The following TOR1AIP1 variants were observed in gnomAD, a reference collection of about 807,000 sequenced individuals.
TOR1AIP1 encodes the protein torsin 1A interacting protein 1.
TOR1AIP1 carries 54 observed loss-of-function variants against 63.3 expected under a neutral mutation model. That is an observed-to-expected ratio of 0.85 (90% confidence interval 0.69 to 1.07). The LOEUF is 1.07. Among genes scored for constraint, TOR1AIP1 ranks in the 50% least tolerant of loss-of-function variants. The pLI is 0.00. For synonymous variants in TOR1AIP1, 294 were observed against 273.5 expected, an observed-to-expected ratio of 1.07 and a Z score of -0.74; for missense variants, 736 against 715.0, an observed-to-expected ratio of 1.03 and a Z score of -0.33.
rs775587306 is a variant in TOR1AIP1, at chr1:179,903,005, C to CA, written c.740-947dup. On this transcript the variant is annotated intron_variant, in intron 5 of 9. Coordinates refer to ENST00000606911, the MANE Select transcript of TOR1AIP1 (RefSeq NM_015602.4). Reference sequence around the variant, plus strand: ...TGGGCAACAGAGCGAGACTCCATCTCAAAAAAAAAAAAAATATGGGCACTT... The same window carrying CA: ...TGGGCAACAGAGCGAGACTCCATCTCAAAAAAAAAAAAAAATATGGGCACTT... Among the ~76,000 whole-genome samples, 1,118 of 135,814 alleles carry CA rather than the reference C, an allele frequency of 8.2e-3. 12 individuals carry two copies. Among genetic ancestry groups the CA allele is most frequent in the African/African-American group, 0.026 (952 of 37,066 alleles). The allele number at this position is 135,814 out of a possible 152,430, so 89.1% of individuals were successfully genotyped here. A position where few individuals can be genotyped will look rare whatever the true frequency, so the allele number is the denominator to read the frequency against.
intron 1 of TOR1AIP1, 165 bp downstream of exon 1, chr1:179,883,142 T>C (rs944803315): frequency 7.4e-6 from 5 of 675,920 alleles, no homozygotes; most frequent in Non-Finnish European, 1.2e-5. Flanking sequence ...AGGGCCACCC[T>C]GACCCGCAGC....
Position 179,918,745 on chromosome 1 carries a change from T to G in TOR1AIP1, c.*506T>G, listed in dbSNP as rs1268212352. 6.6e-6 allele frequency: 1 copy of G among 152,542 alleles called. No individual in the cohort carries two copies. The highest frequency in any genetic ancestry group is 1.5e-5 in the Non-Finnish European group (1 of 68,270). 9.4% of individuals were successfully genotyped at this position (152,542 alleles called of 1,614,324 possible). A position where few individuals can be genotyped will look rare whatever the true frequency, so the allele number is the denominator to read the frequency against. On this transcript the variant is annotated 3_prime_UTR_variant, in exon 10 of 10. Coordinates refer to ENST00000606911, the MANE Select transcript of TOR1AIP1 (RefSeq NM_015602.4). ...AATGAAAGGTCATCTAGGTGTGTGTTTGGAATTTTTTTCTTTTGTTTTTTG... is the reference window on the plus strand; with the variant it reads ...AATGAAAGGTCATCTAGGTGTGTGTGTGGAATTTTTTTCTTTTGTTTTTTG...
intron 1 of TOR1AIP1, among the ~76,000 whole-genome samples, chr1:179,884,482 T>C (rs2148469829): frequency 6.6e-6 from 1 of 151,318 alleles, no homozygotes; most frequent in Middle Eastern, 3.4e-3. Context: ...TGGCAAATAT[T>C]ATTATATTCT....
rs183002733 is a variant in TOR1AIP1 at position 179,916,639 on chromosome 1, T to A, written c.965-813T>A. 1.3e-4 allele frequency among the ~76,000 whole-genome samples: 20 copies of A among 151,706 alleles called. No homozygotes were observed. The South Asian group carries it at 2.7e-3, about 21-fold the overall frequency. On this transcript the variant is annotated intron_variant, in intron 9 of 9. Transcript: ENST00000606911. ...CCACAAAAGGCATCAGTGAAATTAA[T>A]CTAAAGGGACAGCTAGCTATTATAA...
chr1:179,882,636 A>G lies in TOR1AIP1; in HGVS notation c.134A>G (p.Tyr45Cys). The G allele has an allele frequency of 1.3e-6, 2 of 1,563,756 alleles. No individual in the cohort carries two copies. Among genetic ancestry groups the G allele is most frequent in the Non-Finnish European group, 1.7e-6 (2 of 1,156,488 alleles). The change falls in exon 1 of 10, where the codon TAC becomes TGC. Residue 45 changes from tyrosine to cysteine, a missense_variant. This residue lies in a region of TOR1AIP1 where 464 missense variants were observed against 371.0 expected (regional missense o/e 1.25). Coordinates refer to ENST00000606911, the MANE Select transcript of TOR1AIP1 (RefSeq NM_015602.4). ...GGCGGCAGCAGCGATGCGCCTGCGTACAGAACTCCTCCGTCGCGCCAGGGC... is the reference window on the plus strand; with the variant it reads ...GGCGGCAGCAGCGATGCGCCTGCGTGCAGAACTCCTCCGTCGCGCCAGGGC... ...QNGGSSDAPA[Y>C]RTPPSRQGRR...
At chr1:179,886,032 C>G (rs754582376) in intron 2 of TOR1AIP1, among the ~76,000 whole-genome samples, 2 of 152,176 alleles carry the variant, frequency 1.3e-5, no homozygotes, top group Non-Finnish European at 2.9e-5. Flanking sequence ...TCAGCCACCA[C>G]GCCTGGCCTG....
At chr1:179,906,891 C>G (rs1480677847) in intron 6 of TOR1AIP1, among the ~76,000 whole-genome samples, 1 of 151,624 alleles carries the variant, frequency 6.6e-6, no homozygotes, top group African/African-American at 2.4e-5. Flanking sequence ...GCGCCCACCA[C>G]CACGCCTGGC....
In TOR1AIP1 at chr1:179,919,490, T is replaced by G. The variant is rs1649127526; in HGVS notation, c.*1251T>G. ...AAGATTTACTATGCACGTGATACAT[T>G]TTATGGAGTGCCTCAAGCCAAGATA... On this transcript the variant is annotated 3_prime_UTR_variant, in exon 10 of 10. Coordinates refer to ENST00000606911, the MANE Select transcript of TOR1AIP1 (RefSeq NM_015602.4). 3 of 152,194 alleles carry G rather than the reference T, an allele frequency of 2.0e-5. No homozygotes were observed. The South Asian group carries it at 6.2e-4, about 32-fold the overall frequency. The allele number at this position is 152,194 out of a possible 1,614,324, so 9.4% of individuals were successfully genotyped here.
intron 8 of TOR1AIP1, among the ~76,000 whole-genome samples, chr1:179,912,735 G>T (rs1245670958): frequency 1.3e-5 from 2 of 152,140 alleles, no homozygotes; most frequent in Non-Finnish European, 2.9e-5. Context: ...TTGAAAAACA[G>T]TATTCCTCTT....
chr1:179,918,244 T>C lies in TOR1AIP1; in HGVS notation c.*5T>C, dbSNP rs374784135. Reference sequence around the variant, plus strand: ...AAAAGGGGCATCTGCTTATAAGAAGTGAGAGAGAAGAAAAATCATGTCCCA... The same window carrying C: ...AAAAGGGGCATCTGCTTATAAGAAGCGAGAGAGAAGAAAAATCATGTCCCA... On this transcript the variant is annotated 3_prime_UTR_variant, in exon 10 of 10. Transcript: ENST00000606911. The C allele has an allele frequency of 2.9e-5, 45 of 1,567,904 alleles. No individual in the cohort carries two copies. The highest frequency in any genetic ancestry group is 3.5e-5 in the Non-Finnish European group (41 of 1,167,088).
chr1:179,889,652 CTTTT>C lies in TOR1AIP1; in HGVS notation c.610+295_610+298del, dbSNP rs10711211. 6.2e-3 allele frequency among the ~76,000 whole-genome samples: 898 copies of C among 144,918 alleles called. 10 individuals carry two copies. The highest frequency in any genetic ancestry group is 0.022 in the African/African-American group (863 of 39,324). ...TGGCTTTATAAACTCTCATTTCTGT[CTTTT>C]TTTTTTTTTTTAATTTGAGACAAGA... is the stretch of plus-strand genomic sequence containing the variant. On this transcript the variant is annotated intron_variant, in intron 3 of 9. Transcript: ENST00000606911.
intron 1 of TOR1AIP1, 190 bp downstream of exon 1, chr1:179,883,167 C>T: frequency 3.2e-6 from 2 of 623,948 alleles, no homozygotes; most frequent in Non-Finnish European, 5.5e-6. Flanking sequence ...AAGGAAGCGC[C>T]GACCGGAGGA....
At chr1:179,894,444 T>C (rs1648202497) in intron 3 of TOR1AIP1, among the ~76,000 whole-genome samples, 1 of 152,078 alleles carries the variant, frequency 6.6e-6, no homozygotes, top group Admixed American at 6.6e-5. Flanking sequence ...CCCAGCACTT[T>C]GGGAGGCTGA....
In TOR1AIP1 at chr1:179,919,924, TG is replaced by T. The variant is rs1297574529; in HGVS notation, c.*1686del. ...CATACGTATTATATAGAGAAACAAA[TG>T]TTTTTATTAAATGTTTCATTGACCC... On this transcript the variant is annotated 3_prime_UTR_variant, in exon 10 of 10. Coordinates refer to ENST00000606911, the MANE Select transcript of TOR1AIP1 (RefSeq NM_015602.4). The T allele has an allele frequency of 1.3e-5, 2 of 152,212 alleles. No individual in the cohort carries two copies. 9.4% of individuals were successfully genotyped at this position (152,212 alleles called of 1,614,324 possible).
chr1:179,902,318 G>A (rs183030367), intron 5 of TOR1AIP1, among the ~76,000 whole-genome samples: 6 of 151,986 alleles, frequency 3.9e-5, no homozygotes, highest in Admixed American at 2.0e-4. Context: ...GAGCCACGAC[G>A]CCTGACCTGT....
chr1:179,894,045 C>T (rs1558040881), intron 3 of TOR1AIP1, among the ~76,000 whole-genome samples: 3 of 150,772 alleles, frequency 2.0e-5, no homozygotes, highest in Admixed American at 6.6e-5. Flanking sequence ...GGGCGGATCA[C>T]GAGGTCAGGA....
At chr1:179,894,462 G>A (rs1648202987) in intron 3 of TOR1AIP1, among the ~76,000 whole-genome samples, 3 of 152,012 alleles carry the variant, frequency 2.0e-5, no homozygotes, top group South Asian at 2.1e-4. Context: ...TGAGGTGGAC[G>A]GATCACCTGA....
rs148396541 is a variant in TOR1AIP1, at chr1:179,914,668, C to A, written c.964+614C>A. Among the ~76,000 whole-genome samples, 679 of 152,262 alleles carry A rather than the reference C, an allele frequency of 4.5e-3. 9 individuals are homozygous for A. The highest frequency in any genetic ancestry group is 0.016 in the African/African-American group (655 of 41,542). On this transcript the variant is annotated intron_variant, in intron 9 of 9. Transcript: ENST00000606911. ...AATTAGCTGGGCGTGGTGGCACACG[C>A]CTGTTGTCCCACCTACTCAGGAGGC...
intron 8 of TOR1AIP1, among the ~76,000 whole-genome samples, chr1:179,909,219 A>G (rs186936763): frequency 6.6e-6 from 1 of 152,316 alleles, no homozygotes; most frequent in African/African-American, 2.4e-5. Flanking sequence ...GCTGTCAGTT[A>G]TAGCAGCAAT....
Sources: gnomAD v4.1 joint callset for allele counts (sites outside exome capture counted in the v4.1 genomes callset) on GRCh38, gnomAD v4.1.1 for gene constraint, gnomAD v4.1.1 regional missense constraint, MANE v1.5 for transcripts, NCBI Gene and HGNC (gene_info 2026-07-23, HGNC 2026-07-21) for gene names.